The following CUX2 variants were observed in gnomAD, a reference collection of about 807,000 sequenced individuals.
The protein encoded by CUX2 is cut like homeobox 2.
Under a neutral mutation model 144.8 loss-of-function variants are expected in CUX2, and 40 were observed. The ratio of observed to expected loss-of-function variants is 0.28; its 90% CI spans 0.21 to 0.36. The LOEUF (loss-of-function observed/expected upper bound fraction) is 0.36, where lower values mean the gene tolerates loss of function less well. Among genes scored for constraint, CUX2 ranks in the 10% least tolerant of loss-of-function variants. CUX2 has a pLI of 1.00. For missense variants in CUX2, 1,615 were observed against 1,994.0 expected (o/e 0.81, Z 3.62); for synonymous variants, 827 against 875.6 (o/e 0.94, Z 0.98).
rs5800927 is a variant in CUX2, at chr12:111,303,221, GAAAAAAAA to G, written c.754-970_754-963del. 2.6e-3 allele frequency among the ~76,000 whole-genome samples: 130 copies of G among 49,388 alleles called. 2 individuals are homozygous for G. The highest frequency in any genetic ancestry group is 4.7e-3 in the Admixed American group (20 of 4,248). The allele number at this position is 49,388 out of a possible 152,430, so 32.4% of individuals were successfully genotyped here. A position where few individuals can be genotyped will look rare whatever the true frequency, so the allele number is the denominator to read the frequency against. On this transcript the variant is annotated intron_variant, in intron 9 of 21. Transcript: ENST00000261726. The stretch of plus-strand genomic sequence containing the variant: ...GGGTGACAGAGCGAGACCCTGTCTC[GAAAAAAAA>G]AAAAAAAAAAAAAAAAAATCGACCA...
At chr12:111,174,676 G>A (rs1566273159) in intron 1 of CUX2, among the ~76,000 whole-genome samples, 1 of 152,300 alleles carries the variant, frequency 6.6e-6, no homozygotes, top group East Asian at 1.9e-4. Context: ...GCTCCCCAAG[G>A]TGGGCTGAAG....
chr12:111,152,719 C>T (rs1877125989), intron 1 of CUX2, among the ~76,000 whole-genome samples: 1 of 152,208 alleles, frequency 6.6e-6, no homozygotes, highest in African/African-American at 2.4e-5. Context: ...ATGTTAGAGG[C>T]AGTAGAACTC....
chr12:111,081,856 G>GT (rs960255206), intron 1 of CUX2, among the ~76,000 whole-genome samples: 5 of 151,840 alleles, frequency 3.3e-5, no homozygotes, highest in Non-Finnish European at 7.4e-5. Flanking sequence ...CTGCATCTCT[G>GT]TTTTTTTTCC....
Position 111,263,616 on chromosome 12 carries a change from C to A in CUX2, c.223-145C>A. On this transcript the variant is annotated intron_variant, in intron 3 of 21. Coordinates refer to ENST00000261726, the MANE Select transcript of CUX2 (RefSeq NM_015267.4). The surrounding 1 kb of genome is among the most constrained non-coding windows in gnomAD (Gnocchi z 4.0). ...CTCCAGCCTGGGCGACAGAGCAAGA[C>A]TCTCTCTCAAAAACAAAACAAAACA... 1 of 712,012 alleles carries A rather than the reference C, an allele frequency of 1.4e-6. No homozygotes were observed. Among genetic ancestry groups the A allele is most frequent in the Non-Finnish European group, 2.5e-6 (1 of 406,982 alleles). The allele number at this position is 712,012 out of a possible 1,614,324, so 44.1% of individuals were successfully genotyped here. A position where few individuals can be genotyped will look rare whatever the true frequency, so the allele number is the denominator to read the frequency against.
rs373304119 is a variant in CUX2 at position 111,224,548 on chromosome 12, G to A, written c.222+6611G>A. Among the ~76,000 whole-genome samples the A allele has an allele frequency of 3.7e-4, 38 of 102,754 alleles. 1 individual carries two copies. The East Asian group carries it at 7.2e-3, about 20-fold the overall frequency. 67.4% of individuals were successfully genotyped at this position (102,754 alleles called of 152,430 possible). ...TTTTTTTTTTTTTTTGCCTTTTAAC[G>A]TTATTTGCTCTTCCAGCTGTCTTTG... On this transcript the variant is annotated intron_variant, in intron 3 of 21. Transcript: ENST00000261726.
chr12:111,276,258 G>T (rs1192014492), intron 4 of CUX2, among the ~76,000 whole-genome samples: 1 of 152,144 alleles, frequency 6.6e-6, no homozygotes, highest in Admixed American at 6.5e-5. Context: ...GGAGGCTGAG[G>T]TGGGAGGATC....
At chr12:111,100,497 T>G (rs1592895425) in intron 1 of CUX2, among the ~76,000 whole-genome samples, 1 of 152,006 alleles carries the variant, frequency 6.6e-6, no homozygotes, top group Non-Finnish European at 1.5e-5. Flanking sequence ...GATGTGTGTG[T>G]GTATCTTAAG....
chr12:111,093,035 C>T (rs1288477892), intron 1 of CUX2, among the ~76,000 whole-genome samples: 2 of 152,024 alleles, frequency 1.3e-5, no homozygotes, highest in Non-Finnish European at 1.5e-5. Context: ...AGGCTGGTCT[C>T]GAATTCCTGG....
At chr12:111,229,493 G>A (rs1298601425) in intron 3 of CUX2, among the ~76,000 whole-genome samples, 1 of 152,188 alleles carries the variant, frequency 6.6e-6, no homozygotes, top group African/African-American at 2.4e-5. Flanking sequence ...GATGGGCCCA[G>A]GTCAGGTCAC....
At chr12:111,079,168 C>T (rs760881008) in intron 1 of CUX2, among the ~76,000 whole-genome samples, 4 of 152,152 alleles carry the variant, frequency 2.6e-5, no homozygotes, top group African/African-American at 4.8e-5. Flanking sequence ...GTCATTCACA[C>T]GTACAAGCAG....
At chr12:111,245,169 T>A (rs1369219342) in intron 3 of CUX2, among the ~76,000 whole-genome samples, 1 of 152,104 alleles carries the variant, frequency 6.6e-6, no homozygotes, top group Non-Finnish European at 1.5e-5. Context: ...CCCTTATAAA[T>A]CATGTTGTTT....
chr12:111,247,336 C>T (rs536554912), intron 3 of CUX2, among the ~76,000 whole-genome samples: 26 of 152,332 alleles, frequency 1.7e-4, no homozygotes, highest in Non-Finnish European at 2.1e-4. Flanking sequence ...CCAGAAAGGA[C>T]GCTGCTATAT....
intron 1 of CUX2, among the ~76,000 whole-genome samples, chr12:111,134,632 G>C (rs1277418973): frequency 1.3e-5 from 2 of 150,692 alleles, no homozygotes; most frequent in Non-Finnish European, 3.0e-5. Context: ...GTGTGTGTGT[G>C]TGTGTGTGTG....
In CUX2 at chr12:111,295,415, T is replaced by A; in HGVS notation, c.637+6T>A. ...AATCAAAGTCCTACATTCAGGTATG[T>A]GTCGGCACCATGTGGCCTAGAGGGA... On this transcript the variant is annotated splice_donor_region_variant and intron_variant, in intron 7 of 21. Transcript: ENST00000261726. The surrounding 1 kb of genome is among the most constrained non-coding windows in gnomAD (Gnocchi z 5.0). The A allele has an allele frequency of 6.2e-7, 1 of 1,610,662 alleles. No individual in the cohort carries two copies. The highest frequency in any genetic ancestry group is 2.2e-5 in the East Asian group (1 of 44,698).
intron 3 of CUX2, among the ~76,000 whole-genome samples, chr12:111,261,071 G>A (rs1267356939): frequency 2.6e-5 from 4 of 152,178 alleles, no homozygotes; most frequent in Non-Finnish European, 4.4e-5. Flanking sequence ...CTGAACACCC[G>A]GCCCCACTGG....
chr12:111,199,236 C>G (rs1466424828), intron 1 of CUX2, among the ~76,000 whole-genome samples: 1 of 152,094 alleles, frequency 6.6e-6, no homozygotes, highest in Non-Finnish European at 1.5e-5. Flanking sequence ...GACACTGAAG[C>G]TCGGAGAGGC....
intron 1 of CUX2, among the ~76,000 whole-genome samples, chr12:111,162,766 C>T (rs1368778665): frequency 1.3e-5 from 2 of 152,202 alleles, no homozygotes; most frequent in Non-Finnish European, 1.5e-5. Context: ...GGGGTAAGGG[C>T]CAGGTGTGGT....
At chr12:111,256,472 A>G (rs1226145812) in intron 3 of CUX2, among the ~76,000 whole-genome samples, 1 of 151,984 alleles carries the variant, frequency 6.6e-6, no homozygotes, top group East Asian at 1.9e-4. Flanking sequence ...TTCCTGCCAC[A>G]TCAGACGTCC....
At chr12:111,341,182 T>C (rs959697429) in intron 20 of CUX2, among the ~76,000 whole-genome samples, 22 of 152,312 alleles carry the variant, frequency 1.4e-4, no homozygotes, top group African/African-American at 4.6e-4. Flanking sequence ...TAGTCCCACC[T>C]ACTCAGGAGG....
Sources: gnomAD v4.1 joint callset for allele counts (sites outside exome capture counted in the v4.1 genomes callset) on GRCh38, gnomAD v4.1.1 for gene constraint, Gnocchi (gnomAD v3.1) non-coding constraint, MANE v1.5 for transcripts, NCBI Gene and HGNC (gene_info 2026-07-23, HGNC 2026-07-21) for gene names.